AGBL4: variants seen among roughly 807,000 people sequenced by gnomAD.
The protein encoded by AGBL4 is AGBL carboxypeptidase 4.
A neutral mutation model predicts 66.4 loss-of-function variants in AGBL4; 58 were observed. That is an observed-to-expected ratio of 0.87 (90% CI 0.71 to 1.09). The LOEUF (loss-of-function observed/expected upper bound fraction) is 1.09, where lower values mean the gene tolerates loss of function less well. Among genes scored for constraint, AGBL4 ranks in the 50% least tolerant of loss-of-function variants. The probability of loss-of-function intolerance (pLI) is 0.00; values close to 1 mark genes in which losing one functional copy is unlikely to be tolerated. For synonymous variants in AGBL4, 234 were observed against 222.9 expected (o/e 1.05, Z -0.44); for missense variants, 579 against 631.0 (o/e 0.92, Z 0.88).
intron 9 of AGBL4, among the ~76,000 whole-genome samples, chr1:48,607,181 A>C (rs72679398): frequency 0.14 from 21,725 of 152,204 alleles, 1,664 homozygotes; most frequent in South Asian, 0.2. Flanking sequence ...GTGCTGTATA[A>C]GTAGTCATTT....
At chr1:49,022,221 GA>G (rs1218892802) in intron 5 of AGBL4, among the ~76,000 whole-genome samples, 1 of 152,088 alleles carries the variant, frequency 6.6e-6, no homozygotes, top group Non-Finnish European at 1.5e-5. Context: ...AAATAAGCCA[GA>G]AAAAATCAAA....
intron 5 of AGBL4, among the ~76,000 whole-genome samples, chr1:48,879,014 C>A (rs1484697621): frequency 6.6e-6 from 1 of 152,032 alleles, no homozygotes; most frequent in Non-Finnish European, 1.5e-5. Flanking sequence ...GGAAAGAATC[C>A]AGATCTAATT....
At chr1:49,190,174 G>A (rs1320605567) in intron 4 of AGBL4, among the ~76,000 whole-genome samples, 1 of 152,190 alleles carries the variant, frequency 6.6e-6, no homozygotes, top group Non-Finnish European at 1.5e-5. Context: ...TAGACAACAT[G>A]GCTAAGACTG....
chr1:49,421,177 C>G (rs958355168), intron 3 of AGBL4, among the ~76,000 whole-genome samples: 1 of 152,210 alleles, frequency 6.6e-6, no homozygotes, highest in Non-Finnish European at 1.5e-5. Context: ...ACCTGCATCA[C>G]TGAGCTAACC....
chr1:48,617,028 G>A (rs1247495640), intron 9 of AGBL4, among the ~76,000 whole-genome samples: 3 of 152,134 alleles, frequency 2.0e-5, no homozygotes, highest in African/African-American at 7.2e-5. Context: ...GCAGATGGAA[G>A]GAGTGAGGGA....
chr1:48,696,364 C>G (rs1646714177), intron 6 of AGBL4, among the ~76,000 whole-genome samples: 1 of 152,172 alleles, frequency 6.6e-6, no homozygotes, highest in Admixed American at 6.5e-5. Flanking sequence ...TTCCCAAGGT[C>G]ACTCAGCCAG....
chr1:49,764,034 G>C (rs768673761), intron 2 of AGBL4, among the ~76,000 whole-genome samples: 2 of 151,982 alleles, frequency 1.3e-5, no homozygotes, highest in Non-Finnish European at 2.9e-5. Flanking sequence ...TGTTCCTCTG[G>C]AAAGCAGCCA....
intron 4 of AGBL4, among the ~76,000 whole-genome samples, chr1:49,160,322 C>G (rs1329553306): frequency 6.6e-6 from 1 of 152,194 alleles, no homozygotes; most frequent in African/African-American, 2.4e-5. Flanking sequence ...TCAGGCCCCT[C>G]TGCTGCAGGT....
chr1:49,116,331 T>C (rs1208035743), intron 4 of AGBL4, among the ~76,000 whole-genome samples: 1 of 152,184 alleles, frequency 6.6e-6, no homozygotes, highest in Non-Finnish European at 1.5e-5. Context: ...CAACTCGTCA[T>C]TTACATTACA....
intron 2 of AGBL4, among the ~76,000 whole-genome samples, chr1:49,750,444 G>C (rs1197371129): frequency 1.3e-5 from 2 of 152,070 alleles, no homozygotes; most frequent in Non-Finnish European, 2.9e-5. Flanking sequence ...CTGTCCCATT[G>C]GTCTATATAT....
chr1:49,235,415 C>G (rs1027455935), intron 4 of AGBL4, among the ~76,000 whole-genome samples: 1 of 152,166 alleles, frequency 6.6e-6, no homozygotes, highest in Non-Finnish European at 1.5e-5. Context: ...TGCTTTTTCC[C>G]TGCATCAAGT....
At chr1:49,666,462 A>C (rs1439297863) in intron 3 of AGBL4, among the ~76,000 whole-genome samples, 1 of 152,034 alleles carries the variant, frequency 6.6e-6, no homozygotes, top group Non-Finnish European at 1.5e-5. Flanking sequence ...GCTACTCAGG[A>C]GGCTGAGGCA....
intron 3 of AGBL4, among the ~76,000 whole-genome samples, chr1:49,621,719 T>TTGCC (rs1252355087): frequency 6.6e-6 from 1 of 152,204 alleles, no homozygotes; most frequent in East Asian, 1.9e-4. Context: ...ACATAGGCAG[T>TTGCC]TGCCCCCAGG....
At chr1:49,925,645 A>C (rs973972439) in intron 1 of AGBL4, among the ~76,000 whole-genome samples, 2 of 152,150 alleles carry the variant, frequency 1.3e-5, no homozygotes, top group African/African-American at 4.8e-5. Flanking sequence ...AGAGGAGCCC[A>C]CTGCAATGAA....
At chr1:49,935,274 C>T (rs990092375) in intron 1 of AGBL4, among the ~76,000 whole-genome samples, 3 of 152,204 alleles carry the variant, frequency 2.0e-5, no homozygotes, top group Admixed American at 6.5e-5. Flanking sequence ...GGCAGCAAGG[C>T]TGGGGGAGGG....
chr1:49,224,959 T>C (rs1006022328), intron 4 of AGBL4, among the ~76,000 whole-genome samples: 2 of 152,218 alleles, frequency 1.3e-5, no homozygotes, highest in Non-Finnish European at 2.9e-5. Context: ...CATGTACAAA[T>C]GAATACTTCT....
At chr1:49,536,896 C>T (rs1365644779) in intron 3 of AGBL4, among the ~76,000 whole-genome samples, 4 of 151,688 alleles carry the variant, frequency 2.6e-5, no homozygotes, top group African/African-American at 9.7e-5. Context: ...TAATGCCAGC[C>T]ATCGGGAGGC....
chr1:49,271,383 C>T (rs762183708), intron 3 of AGBL4, among the ~76,000 whole-genome samples: 3 of 151,482 alleles, frequency 2.0e-5, no homozygotes, highest in East Asian at 1.9e-4. Flanking sequence ...AGGGTACTTT[C>T]GATTTAAAAA....
intron 6 of AGBL4, among the ~76,000 whole-genome samples, chr1:48,809,116 C>A (rs981499506): frequency 1.3e-5 from 2 of 152,060 alleles, no homozygotes; most frequent in Middle Eastern, 3.2e-3. Context: ...AGTGCAATAG[C>A]CCTACTTTAG....
Sources: allele counts gnomAD v4.1 joint callset (sites outside exome capture counted in the v4.1 genomes callset), GRCh38; gene constraint gnomAD v4.1.1; transcripts MANE v1.5; gene names NCBI Gene and HGNC (gene_info 2026-07-23, HGNC 2026-07-21).